HEXB: variants seen among roughly 807,000 people sequenced by gnomAD.
HEXB encodes the protein beta-hexosaminidase subunit beta.
HEXB carries 51 observed loss-of-function variants against 71.2 expected under a neutral mutation model. The ratio of observed to expected loss-of-function variants is 0.72; its 90% confidence interval spans 0.57 to 0.90. The LOEUF is 0.90. Ranked by LOEUF, HEXB falls within the 40% of genes least tolerant of loss-of-function variation. HEXB has a pLI of 0.00. For synonymous variants in HEXB, 266 were observed against 249.3 expected (o/e 1.07, Z -0.63); for missense variants, 617 against 677.0 (o/e 0.91, Z 0.98).
chr5:74,656,889 G>A (rs980388415), intron 1 of HEXB, among the ~76,000 whole-genome samples: 5 of 152,314 alleles, frequency 3.3e-5, no homozygotes, highest in African/African-American at 1.2e-4. Context: ...TGGGATTACA[G>A]GTGTGAGCCA....
At position 74,720,488 on chromosome 5, in the gene HEXB, T is replaced by G. The variant is rs794727049; in HGVS notation, c.1478T>G (p.Val493Gly). 6 of 1,613,514 alleles carry G rather than the reference T, an allele frequency of 3.7e-6. No individual in the cohort carries two copies. The highest frequency in any genetic ancestry group is 5.1e-6 in the Non-Finnish European group (6 of 1,179,496). ...GGEACLWGEY[V>G]DATNLTPRLW... ...GAAGCTTGTCTATGGGGAGAATATG[T>G]GGATGCAACTAACCTCACTCCAAGA... The change falls in exon 12 of 14, where the codon GTG (valine) becomes GGG (glycine). Residue 493 changes from valine to glycine, a missense_variant. Physicochemically the swap from Val to Gly is moderately radical, Grantham distance 109. Transcript: ENST00000261416.
intron 1 of HEXB, among the ~76,000 whole-genome samples, chr5:74,665,040 G>C (rs1209463676): frequency 6.6e-6 from 1 of 152,164 alleles, no homozygotes; most frequent in African/African-American, 2.4e-5. Flanking sequence ...GAACGAATCA[G>C]AGGTCTACAA....
chr5:74,645,444 T>C (rs1747986174), intron 1 of HEXB, among the ~76,000 whole-genome samples: 1 of 152,244 alleles, frequency 6.6e-6, no homozygotes, highest in Non-Finnish European at 1.5e-5. Context: ...TTTTGTATTA[T>C]GATTTTTAAT....
At chr5:74,670,609 G>A (rs1371560904) in intron 1 of HEXB, among the ~76,000 whole-genome samples, 1 of 152,192 alleles carries the variant, frequency 6.6e-6, no homozygotes, top group Non-Finnish European at 1.5e-5. Flanking sequence ...AGCCAGGGTG[G>A]GGCAAGATGC....
chr5:74,662,728 A>C (rs1204993099), intron 1 of HEXB, among the ~76,000 whole-genome samples: 3 of 152,226 alleles, frequency 2.0e-5, no homozygotes, highest in Non-Finnish European at 2.9e-5. Context: ...ATCATATTTT[A>C]TTATTATATT....
At chr5:74,713,396 CAT>C (rs1749596734) in intron 6 of HEXB, 108 bp from the exon 7 acceptor site, 1 of 983,892 alleles carries the variant, frequency 1.0e-6, no homozygotes, top group South Asian at 1.3e-5. Context: ...AATACATTGT[CAT>C]AGTGAAAAAA....
intron 9 of HEXB, 35 bp downstream of exon 9, chr5:74,716,708 C>G (rs773384441): frequency 4.6e-6 from 6 of 1,297,710 alleles, no homozygotes; most frequent in South Asian, 1.2e-5. Context: ...TGTATTAATG[C>G]TTTTTGTAAA....
At chr5:74,705,694 T>C (rs1332688506) in intron 6 of HEXB, 5 of 251,160 alleles carry the variant, frequency 2.0e-5, no homozygotes, top group Non-Finnish European at 3.9e-5. Context: ...TATTTTTCTC[T>C]CTGAGAAACT....
intron 3 of HEXB, among the ~76,000 whole-genome samples, chr5:74,695,795 C>T (rs540797005): frequency 8.4e-4 from 125 of 148,534 alleles, no homozygotes; most frequent in African/African-American, 2.9e-3. Flanking sequence ...GAGCCGAGAT[C>T]GCGCCACTGC....
At chr5:74,695,783 A>G (rs1469630999) in intron 3 of HEXB, among the ~76,000 whole-genome samples, 5 of 149,834 alleles carry the variant, frequency 3.3e-5, no homozygotes, top group Admixed American at 1.3e-4. Flanking sequence ...GGAGGTTACA[A>G]TGAGCCGAGA....
At position 74,715,512 on chromosome 5, in the gene HEXB, C is replaced by T; in HGVS notation, c.904C>T (p.Gln302Ter). ...AGAATCTTAATATTTTCTTCTAGGT[C>T]AGAAAGACCTCCTGACTCCATGTTA... is the stretch of plus-strand genomic sequence containing the variant. ...PGHTLSWGKG[Q>*]KDLLTPCYSR... is the part of the protein sequence containing the mutation. The change falls in exon 8 of 14, where the codon CAG becomes TAG. Residue 302 changes from glutamine (Q) to a stop codon, truncating the protein, a stop_gained and splice_region_variant. Transcript: ENST00000261416. LOFTEE classifies it high-confidence loss of function. 2 of 1,603,854 alleles carry T rather than the reference C, an allele frequency of 1.2e-6. No individual in the cohort carries two copies. The highest frequency in any genetic ancestry group is 1.7e-6 in the Non-Finnish European group (2 of 1,170,834).
chr5:74,675,626 T>C (rs1286451097), intron 1 of HEXB, among the ~76,000 whole-genome samples: 2 of 152,020 alleles, frequency 1.3e-5, no homozygotes, highest in African/African-American at 4.8e-5. Context: ...GTCAGAGAGG[T>C]GGTCAGATGC....
At chr5:74,678,031 T>A (rs1226043720) in intron 1 of HEXB, among the ~76,000 whole-genome samples, 2 of 152,212 alleles carry the variant, frequency 1.3e-5, no homozygotes, top group Admixed American at 1.3e-4. Context: ...GAGCAGTGGC[T>A]CACACCTGTA....
At position 74,677,496 on chromosome 5, in the gene HEXB, T is replaced by G. The variant is rs976650895; in HGVS notation, c.-376-11832T>G. 6.3e-5 allele frequency among the ~76,000 whole-genome samples: 7 copies of G among 110,536 alleles called. No homozygotes were observed. In the South Asian group the frequency reaches 1.9e-3, roughly 30 times the overall value. 72.5% of individuals were successfully genotyped at this position (110,536 alleles called of 152,430 possible). Reference sequence around the variant, plus strand: ...CATTTCTTTTCTTCTTCTTCTTTTTTTTTTTTTTTTTTTTTTTGGTACTAC... The same window carrying G: ...CATTTCTTTTCTTCTTCTTCTTTTTGTTTTTTTTTTTTTTTTTGGTACTAC... On this transcript the variant is annotated intron_variant, in intron 1 of 13. Coordinates refer to the HEXB transcript ENST00000511181.
chr5:74,697,491 T>G (rs1308456026), intron 5 of HEXB, among the ~76,000 whole-genome samples: 8 of 152,074 alleles, frequency 5.3e-5, no homozygotes, highest in South Asian at 2.1e-4. Flanking sequence ...TTTGGGAGGC[T>G]GAGGCAGGTG....
intron 1 of HEXB, among the ~76,000 whole-genome samples, chr5:74,663,513 C>T (rs182534241): frequency 5.9e-5 from 9 of 152,178 alleles, no homozygotes; most frequent in African/African-American, 7.2e-5. Context: ...TTTCTAATCA[C>T]GTGCTGCCTG....
Position 74,697,027 on chromosome 5 carries a change from C to T in HEXB, c.590C>T (p.Ser197Phe). The T allele has an allele frequency of 6.3e-7, 1 of 1,580,230 alleles. No individual in the cohort carries two copies. Reference sequence around the variant, plus strand: ...ATCAATGAATCCACCATTATTGATTCTCCAAGGTTTTCTCACAGAGGAATT... The same window carrying T: ...ATCAATGAATCCACCATTATTGATTTTCCAAGGTTTTCTCACAGAGGAATT... Reference protein sequence around the residue: ...FTINESTIIDSPRFSHRGILI... With the variant: ...FTINESTIIDFPRFSHRGILI... Residue 197 changes from serine to phenylalanine, a missense_variant, in exon 5 of 14, where the codon TCT becomes TTT. Physicochemically the swap from Ser to Phe is radical, Grantham distance 155 (BLOSUM62 -2). Transcript: ENST00000261416.
chr5:74,668,335 A>G (rs927895360), intron 1 of HEXB, among the ~76,000 whole-genome samples: 1 of 151,950 alleles, frequency 6.6e-6, no homozygotes, highest in Non-Finnish European at 1.5e-5. Context: ...ACTTGTTCAT[A>G]TATCTTCAGG....
chr5:74,642,392 C>T (rs556364945), intron 1 of HEXB, among the ~76,000 whole-genome samples: 1 of 151,984 alleles, frequency 6.6e-6, no homozygotes, highest in African/African-American at 2.4e-5. Flanking sequence ...GCAAGCAGCA[C>T]CCAGGTTCTG....
Sources: gnomAD v4.1 joint callset for allele counts (sites outside exome capture counted in the v4.1 genomes callset) on GRCh38, gnomAD v4.1.1 for gene constraint, MANE v1.5 for transcripts, NCBI Gene and HGNC (gene_info 2026-07-23, HGNC 2026-07-21) for gene names.